The following CNOT4 variants were observed in gnomAD, a reference collection of about 807,000 sequenced individuals.
CNOT4 encodes CCR4-NOT transcription complex subunit 4, also known as CCR4-associated factor 4.
A neutral mutation model predicts 73.8 loss-of-function variants in CNOT4; 8 were observed. The ratio of observed to expected loss-of-function variants is 0.11; its 90% CI spans 0.06 to 0.20. CNOT4 has a LOEUF of 0.20. Ranked by LOEUF, CNOT4 falls within the 10% of genes least tolerant of loss-of-function variation. The pLI is 1.00. For missense variants in CNOT4, 564 were observed against 883.4 expected, an observed-to-expected ratio of 0.64 and a Z score of 4.58; for synonymous variants, 293 against 321.1, an observed-to-expected ratio of 0.91 and a Z score of 0.94.
chr7:135,480,174 G>A (rs553311994), intron 1 of CNOT4, among the ~76,000 whole-genome samples: 1 of 152,212 alleles, frequency 6.6e-6, no homozygotes, highest in African/African-American at 2.4e-5. Flanking sequence ...ATAATTTCTA[G>A]TAGTCTGGGA....
chr7:135,442,994 G>A (rs1011282094), intron 1 of CNOT4, among the ~76,000 whole-genome samples: 9 of 151,974 alleles, frequency 5.9e-5, no homozygotes, highest in African/African-American at 1.9e-4. Context: ...AGGAGGTCGC[G>A]GCTGTAGTGA....
At chr7:135,507,211 T>G (rs983711023) in intron 1 of CNOT4, among the ~76,000 whole-genome samples, 1 of 152,202 alleles carries the variant, frequency 6.6e-6, no homozygotes, top group Non-Finnish European at 1.5e-5. Flanking sequence ...TGTCATTTGA[T>G]TATAACTGTC....
At chr7:135,368,974 A>G (rs1037169370) in intron 10 of CNOT4, among the ~76,000 whole-genome samples, 3 of 152,140 alleles carry the variant, frequency 2.0e-5, no homozygotes, top group Admixed American at 1.3e-4. Context: ...ATGTGGGAAA[A>G]CCTGCTCCTA....
intron 7 of CNOT4, among the ~76,000 whole-genome samples, chr7:135,408,000 C>T (rs574337784): frequency 2.7e-4 from 41 of 152,272 alleles, no homozygotes; most frequent in African/African-American, 9.4e-4. Context: ...AAAAAGTTCA[C>T]TCTGTTAATC....
At chr7:135,402,887 C>A (rs1433851252) in intron 7 of CNOT4, among the ~76,000 whole-genome samples, 1 of 152,066 alleles carries the variant, frequency 6.6e-6, no homozygotes, top group African/African-American at 2.4e-5. Flanking sequence ...GCGATGCCAA[C>A]CAAATCACTA....
intron 1 of CNOT4, among the ~76,000 whole-genome samples, chr7:135,484,019 C>A (rs1055087793): frequency 6.6e-6 from 1 of 151,952 alleles, no homozygotes; most frequent in Non-Finnish European, 1.5e-5. Flanking sequence ...CATGGTAGAA[C>A]CCCGTCTCTA....
intron 10 of CNOT4, among the ~76,000 whole-genome samples, chr7:135,392,849 G>A (rs1796473138): frequency 6.6e-6 from 1 of 152,148 alleles, no homozygotes; most frequent in South Asian, 2.1e-4. Flanking sequence ...AACTTTGATA[G>A]ACCTCTGTAA....
At position 135,387,217 on chromosome 7, in the gene CNOT4, TAA is replaced by T. The variant is rs1282371176; in HGVS notation, c.1627+6699_1627+6700del. 2.3e-5 allele frequency: 23 copies of T among 984,632 alleles called. No homozygotes were observed. The Admixed American group carries it at 1.4e-3, about 61-fold the overall frequency. The allele number at this position is 984,632 out of a possible 1,614,324, so 61.0% of individuals were successfully genotyped here. A position where few individuals can be genotyped will look rare whatever the true frequency, so the allele number is the denominator to read the frequency against. On this transcript the variant is annotated intron_variant, in intron 10 of 11. Transcript: ENST00000541284. ...AATTGGCAATGTTCTTGTAATGTCT[TAA>T]AGTCACTTCTAGATAGAAATTAGAG...
intron 10 of CNOT4, among the ~76,000 whole-genome samples, chr7:135,378,080 C>T (rs17168416): frequency 0.032 from 4,912 of 152,232 alleles, 290 homozygotes; most frequent in African/African-American, 0.11. Context: ...GTTGGGGGAA[C>T]TGAGTAATGC....
chr7:135,413,786 T>C (rs1377740385), intron 5 of CNOT4, among the ~76,000 whole-genome samples, 173 bp from the exon 6 acceptor site: 1 of 152,088 alleles, frequency 6.6e-6, no homozygotes, highest in Non-Finnish European at 1.5e-5. Context: ...GGATTTATTA[T>C]AGATGAGGCT....
chr7:135,408,629 C>G (rs79705856), intron 7 of CNOT4, among the ~76,000 whole-genome samples: 5,027 of 152,122 alleles, frequency 0.033, 131 homozygotes, highest in Non-Finnish European at 0.046. Context: ...TGGCAGGGTC[C>G]CCTCACACAC....
At chr7:135,397,012 T>C (rs867090501) in intron 8 of CNOT4, among the ~76,000 whole-genome samples, 2 of 152,284 alleles carry the variant, frequency 1.3e-5, no homozygotes, top group East Asian at 3.8e-4. Context: ...TAGTGTCACC[T>C]CAATACTACT....
At chr7:135,382,334 C>T (rs2129482943) in intron 10 of CNOT4, among the ~76,000 whole-genome samples, 1 of 152,222 alleles carries the variant, frequency 6.6e-6, no homozygotes, top group African/African-American at 2.4e-5. Flanking sequence ...TGTTAGGTGG[C>T]TCGATTACAA....
Position 135,473,024 on chromosome 7 carries a change from G to A in CNOT4, c.-92-34601C>T, listed in dbSNP as rs113118386. On this transcript the variant is annotated intron_variant, in intron 1 of 11. Transcript: ENST00000541284. ...CCACTACACTCCAGCCTGGGTGACAGAGCAAGACTCTGTCTCAAAAAAAAA... is the reference window on the plus strand; with the variant it reads ...CCACTACACTCCAGCCTGGGTGACAAAGCAAGACTCTGTCTCAAAAAAAAA... Among the ~76,000 whole-genome samples the A allele has an allele frequency of 2.6e-5, 4 of 151,656 alleles. 1 individual carries two copies. The highest frequency in any genetic ancestry group is 9.7e-5 in the African/African-American group (4 of 41,300).
At chr7:135,367,485 A>G (rs1160431752) in intron 10 of CNOT4, among the ~76,000 whole-genome samples, 1 of 152,218 alleles carries the variant, frequency 6.6e-6, no homozygotes, top group Admixed American at 6.5e-5. Context: ...ATAACTAAAA[A>G]TAACACCTGC....
At position 135,362,808 on chromosome 7, in the gene CNOT4, A is replaced by C; in HGVS notation, c.*77T>G. ...TTCAGAACATAAGAGATGAGAAGGG[A>C]GCTGTGGGTGGTGGGCTGAGAGGGA... On this transcript the variant is annotated 3_prime_UTR_variant, in exon 12 of 12. Transcript: ENST00000541284. 7.8e-7 allele frequency: 1 copy of C among 1,276,438 alleles called. No homozygotes were observed. The highest frequency in any genetic ancestry group is 1.1e-6 in the Non-Finnish European group (1 of 872,342). The allele number at this position is 1,276,438 out of a possible 1,614,324, so 79.1% of individuals were successfully genotyped here. A position where few individuals can be genotyped will look rare whatever the true frequency, so the allele number is the denominator to read the frequency against.
intron 1 of CNOT4, among the ~76,000 whole-genome samples, chr7:135,502,381 A>G (rs1469131145): frequency 6.6e-6 from 1 of 152,182 alleles, no homozygotes; most frequent in Non-Finnish European, 1.5e-5. Context: ...GACTCATACT[A>G]CATGTAGCAC....
chr7:135,416,299 G>A (rs908599819), intron 3 of CNOT4, among the ~76,000 whole-genome samples: 6 of 151,940 alleles, frequency 3.9e-5, no homozygotes, highest in Admixed American at 1.3e-4. Flanking sequence ...ATAAATCTAC[G>A]GCGGGTGTAT....
intron 1 of CNOT4, among the ~76,000 whole-genome samples, chr7:135,487,974 G>A (rs533693115): frequency 1.2e-4 from 19 of 152,126 alleles, no homozygotes; most frequent in Admixed American, 2.6e-4. Flanking sequence ...GGAGAATGGC[G>A]TGAGAACCAC....
Sources: gnomAD v4.1 joint callset for allele counts (sites outside exome capture counted in the v4.1 genomes callset) on GRCh38, gnomAD v4.1.1 for gene constraint, MANE v1.5 for transcripts, NCBI Gene and HGNC (gene_info 2026-07-23, HGNC 2026-07-21) for gene names.